TTC7B: variants seen among roughly 807,000 people sequenced by gnomAD.
The protein encoded by TTC7B is tetratricopeptide repeat protein 7B.
A neutral mutation model predicts 106.8 loss-of-function variants in TTC7B; 28 were observed. The observed-to-expected ratio is 0.26, with a 90% CI of 0.19 to 0.36. The LOEUF is 0.36. Ranked by LOEUF, TTC7B falls within the 10% of genes least tolerant of loss-of-function variation. TTC7B has a pLI of 1.00. For synonymous variants in TTC7B, 405 were observed against 430.6 expected (o/e 0.94, Z 0.74); for missense variants, 862 against 1,076.4 (o/e 0.80, Z 2.79).
chr14:90,690,501 A>G (rs982785372), intron 6 of TTC7B, among the ~76,000 whole-genome samples: 1 of 152,198 alleles, frequency 6.6e-6, no homozygotes, highest in Admixed American at 6.5e-5. Context: ...TGTATGGGGG[A>G]AAAGAATGTG....
chr14:90,594,009 G>T (rs78551936), intron 17 of TTC7B: 8,982 of 159,302 alleles, frequency 0.056, 299 homozygotes, highest in Middle Eastern at 0.076. Context: ...AATCAGGGTG[G>T]GGGGAGGAAT....
intron 15 of TTC7B, among the ~76,000 whole-genome samples, chr14:90,636,399 G>A (rs1278688563): frequency 3.9e-5 from 3 of 76,902 alleles, no homozygotes; most frequent in Admixed American, 1.6e-4. Context: ...TTAAAATATA[G>A]AAAGGAAAAA....
At chr14:90,695,336 CAT>C (rs1887698972) in intron 6 of TTC7B, among the ~76,000 whole-genome samples, 162 bp downstream of exon 6, 1 of 148,262 alleles carries the variant, frequency 6.7e-6, no homozygotes. Flanking sequence ...ATATATGTCA[CAT>C]ATATTTATTA....
intron 9 of TTC7B, among the ~76,000 whole-genome samples, chr14:90,660,395 C>CAAAAAAAAAAAAA (rs57030874): frequency 2.2e-4 from 9 of 40,888 alleles, no homozygotes; most frequent in Admixed American, 7.9e-4. Flanking sequence ...CACCCTGTCT[C>CAAAAAAAAAAAAA]AAAAAAAAAA....
rs527448953 is a variant in TTC7B, at chr14:90,646,184, G to T, written c.1590+767C>A. Among the ~76,000 whole-genome samples the T allele has an allele frequency of 5.9e-5, 9 of 152,312 alleles. No individual in the cohort carries two copies. The South Asian group carries it at 1.9e-3, about 32-fold the overall frequency. On this transcript the variant is annotated intron_variant, in intron 14 of 19. Transcript: ENST00000328459. Reference sequence around the variant, plus strand: ...CAGGTGCATACCTCAGCCCAGGCCTGCCAGGGGAATGGCATGTCTGGAGAG... The same window carrying T: ...CAGGTGCATACCTCAGCCCAGGCCTTCCAGGGGAATGGCATGTCTGGAGAG...
At chr14:90,706,246 T>C (rs1019346621) in intron 5 of TTC7B, among the ~76,000 whole-genome samples, 5 of 150,246 alleles carry the variant, frequency 3.3e-5, no homozygotes, top group Non-Finnish European at 1.5e-5. Flanking sequence ...CACTGCAAGC[T>C]CCACCTCCCG....
At chr14:90,788,532 C>T (rs1003048817) in intron 1 of TTC7B, among the ~76,000 whole-genome samples, 1 of 152,054 alleles carries the variant, frequency 6.6e-6, no homozygotes, top group African/African-American at 2.4e-5. Context: ...TTCGGAGTGT[C>T]ATGCCTTTAT....
intron 15 of TTC7B, among the ~76,000 whole-genome samples, chr14:90,621,609 G>A (rs4904711): frequency 0.17 from 25,331 of 152,196 alleles, 2,257 homozygotes; most frequent in East Asian, 0.31. Context: ...AGCCACACAG[G>A]TTCAGCTGGG....
At chr14:90,604,455 G>T (rs574259102) in intron 17 of TTC7B, among the ~76,000 whole-genome samples, 1 of 152,274 alleles carries the variant, frequency 6.6e-6, no homozygotes, top group East Asian at 1.9e-4. Flanking sequence ...GGGTTTCTCG[G>T]CGTGGATGGT....
chr14:90,743,271 C>A (rs730043), intron 4 of TTC7B, among the ~76,000 whole-genome samples: 37,893 of 152,100 alleles, frequency 0.25, 5,844 homozygotes, highest in Non-Finnish European at 0.33. Context: ...ACTCTCTCCA[C>A]CTCTCCTGCT....
chr14:90,705,197 T>C (rs1392573371), intron 5 of TTC7B, among the ~76,000 whole-genome samples: 1 of 152,186 alleles, frequency 6.6e-6, no homozygotes, highest in Non-Finnish European at 1.5e-5. Context: ...GCTGCACACC[T>C]ACTCATGTAG....
intron 3 of TTC7B, among the ~76,000 whole-genome samples, chr14:90,753,992 A>G (rs11851358): frequency 0.085 from 12,942 of 152,280 alleles, 574 homozygotes; most frequent in East Asian, 0.16. Context: ...TTCAGTCTCT[A>G]TTTAGTAACC....
At position 90,749,409 on chromosome 14, in the gene TTC7B, T is replaced by C. The variant is rs1437860935; in HGVS notation, c.446-4487A>G. Among the ~76,000 whole-genome samples the C allele has an allele frequency of 5.4e-5, 8 of 148,444 alleles. No individual in the cohort carries two copies. The East Asian group carries it at 1.2e-3, about 22-fold the overall frequency. ...TAAAATATAATAATTTTTCTTTTTT[T>C]TTTTTTTTTTTTTGAGACAGAGTTT... On this transcript the variant is annotated intron_variant, in intron 3 of 19. Transcript: ENST00000328459.
chr14:90,748,990 T>C (rs1359908903), intron 3 of TTC7B, among the ~76,000 whole-genome samples: 1 of 152,194 alleles, frequency 6.6e-6, no homozygotes, highest in Non-Finnish European at 1.5e-5. Context: ...TAGAGAGAAA[T>C]TTCATGGAGT....
At chr14:90,717,882 C>T (rs1442374946) in intron 5 of TTC7B, among the ~76,000 whole-genome samples, 1 of 152,162 alleles carries the variant, frequency 6.6e-6, no homozygotes. Flanking sequence ...CCCTGCTTCC[C>T]CAACAGATAC....
At chr14:90,669,905 T>A (rs187966078) in intron 9 of TTC7B, among the ~76,000 whole-genome samples, 1 of 152,318 alleles carries the variant, frequency 6.6e-6, no homozygotes, top group Non-Finnish European at 1.5e-5. Context: ...AATTATCATA[T>A]GACCAAGCAA....
At chr14:90,688,682 C>A (rs1358170896) in intron 7 of TTC7B, among the ~76,000 whole-genome samples, 1 of 148,858 alleles carries the variant, frequency 6.7e-6, no homozygotes, top group African/African-American at 2.5e-5. Context: ...GTGGTATGTG[C>A]CTGTAATCTC....
chr14:90,624,085 C>T lies in TTC7B; in HGVS notation c.1752-6040G>A, dbSNP rs1595217705. 6.6e-6 allele frequency among the ~76,000 whole-genome samples: 1 copy of T among 152,016 alleles called. No individual in the cohort carries two copies. The highest frequency in any genetic ancestry group is 2.1e-4 in the South Asian group (1 of 4,812). On this transcript the variant is annotated intron_variant, in intron 15 of 19. Coordinates refer to ENST00000328459, the MANE Select transcript of TTC7B (RefSeq NM_001010854.2). The surrounding 1 kb of genome is among the most constrained non-coding windows in gnomAD (Gnocchi z 4.0). ...GTGTGCCTGTATGCATATGCGTGTG[C>T]GTGTATATGTGTGCATGTGTGTGTG... is the stretch of plus-strand genomic sequence containing the variant.
chr14:90,798,283 C>T (rs142127200), intron 1 of TTC7B, among the ~76,000 whole-genome samples: 54 of 152,234 alleles, frequency 3.5e-4, no homozygotes, highest in Middle Eastern at 3.4e-3. Flanking sequence ...GATGGATGAG[C>T]GAGCCCTGGC....
Sources: allele counts gnomAD v4.1 joint callset (sites outside exome capture counted in the v4.1 genomes callset), GRCh38; gene constraint gnomAD v4.1.1; non-coding constraint Gnocchi (gnomAD v3.1); transcripts MANE v1.5; gene names NCBI Gene and HGNC (gene_info 2026-07-23, HGNC 2026-07-21).